Variants in POC1B observed in about 807,000 individuals in gnomAD.
POC1B encodes POC1 centriolar protein homolog B.
POC1B carries 44 observed loss-of-function variants against 60.6 expected under a neutral mutation model. The ratio of observed to expected loss-of-function variants is 0.73; its 90% CI spans 0.57 to 0.93. POC1B has a LOEUF of 0.93. POC1B is among the 40% of genes least tolerant of loss of function. The pLI is 0.00. For synonymous variants in POC1B, 180 were observed against 198.9 expected (o/e 0.90, Z 0.80); for missense variants, 555 against 572.3 (o/e 0.97, Z 0.31).
intron 10 of POC1B, among the ~76,000 whole-genome samples, chr12:89,457,524 C>T (rs549629174): frequency 1.8e-3 from 279 of 152,286 alleles, no homozygotes; most frequent in Middle Eastern, 6.8e-3. Context: ...GCAGCTATGT[C>T]CCAGATTACA....
chr12:89,477,763 C>T lies in POC1B; in HGVS notation c.453-5488G>A, dbSNP rs117624159. Among the ~76,000 whole-genome samples the T allele has an allele frequency of 3.7e-3, 557 of 152,242 alleles. 1 individual carries two copies. Among genetic ancestry groups the T allele is most frequent in the Non-Finnish European group, 6.4e-3 (438 of 68,030 alleles). ...AACTGGGTCATCTTTCTGCTTAAAA[C>T]CTTCGGTGGTTTCACGTTTCCTTTG... On this transcript the variant is annotated intron_variant, in intron 4 of 11. Coordinates refer to ENST00000313546, the MANE Select transcript of POC1B (RefSeq NM_172240.3).
At chr12:89,413,852 C>T in the POC1B span, among the ~76,000 whole-genome samples, 2 of 151,820 alleles carry the variant, frequency 1.3e-5, no homozygotes, top group Non-Finnish European at 2.9e-5. Context: ...TTTTGTGTTG[C>T]ATTTCTGCCA....
chr12:89,414,917 A>G (rs1880340196), downstream of POC1B, among the ~76,000 whole-genome samples: 1 of 152,236 alleles, frequency 6.6e-6, no homozygotes, highest in South Asian at 2.1e-4. Context: ...TCTTGTCTTT[A>G]GAGAAAAGGC....
At chr12:89,504,529 T>A (rs1869799384) in intron 2 of POC1B, among the ~76,000 whole-genome samples, 1 of 151,956 alleles carries the variant, frequency 6.6e-6, no homozygotes, top group South Asian at 2.1e-4. Flanking sequence ...GTTTATCTGC[T>A]GACCTTCCCT....
At chr12:89,408,135 C>A in the POC1B span, among the ~76,000 whole-genome samples, 50 of 152,318 alleles carry the variant, frequency 3.3e-4, no homozygotes, top group African/African-American at 1.1e-3. Context: ...AAGACATGAA[C>A]TCATCCTTTT....
chr12:89,524,557 C>T (rs768890808), intron 2 of POC1B: 1 of 1,610,958 alleles, frequency 6.2e-7, no homozygotes, highest in Non-Finnish European at 8.5e-7. Context: ...CATCCGGATT[C>T]TCAGGGCTGA....
intron 3 of POC1B, among the ~76,000 whole-genome samples, chr12:89,493,419 C>T (rs529306049): frequency 2.6e-5 from 4 of 152,266 alleles, no homozygotes; most frequent in South Asian, 4.1e-4. Flanking sequence ...AATAAAGGCT[C>T]GTAGATCCAA....
intron 7 of POC1B, among the ~76,000 whole-genome samples, chr12:89,469,192 A>G (rs539656882): frequency 6.6e-6 from 1 of 152,264 alleles, no homozygotes; most frequent in African/African-American, 2.4e-5. Context: ...CCCAGGAGGC[A>G]GAGGTTACAG....
In POC1B at chr12:89,472,175, A is replaced by G. The variant is rs986798731; in HGVS notation, c.553T>C (p.Ser185Pro). 8 of 1,577,770 alleles carry G rather than the reference A, an allele frequency of 5.1e-6. No individual in the cohort carries two copies. The Middle Eastern group carries it at 1.0e-3, about 197-fold the overall frequency. ...CAAAGAAAGTGTACTTACCCAACGG[A>G]ATCTGAGAAGTTATTAACACATTGC... ...NKQCVNNFSD[S>P]VGFANFVDFN... Residue 185 changes from serine to proline, a missense_variant, in exon 5 of 12, where the codon TCC becomes CCC. Ser to Pro is a moderately conservative substitution (Grantham distance 74). Coordinates refer to ENST00000313546, the MANE Select transcript of POC1B (RefSeq NM_172240.3).
At chr12:89,510,969 G>A (rs1032521008) in intron 2 of POC1B, among the ~76,000 whole-genome samples, 2 of 151,498 alleles carry the variant, frequency 1.3e-5, no homozygotes, top group Admixed American at 1.3e-4. Context: ...TGGCCAGGCT[G>A]GTCTCACACT....
chr12:89,459,754 C>A, intron 9 of POC1B, 36 bp from the exon 10 acceptor site: 1 of 1,229,350 alleles, frequency 8.1e-7, no homozygotes, highest in Non-Finnish European at 1.1e-6. Flanking sequence ...ATGAGATTTT[C>A]ATACCATAAG....
At chr12:89,460,102 T>A (rs773188065) in intron 9 of POC1B, 1 of 318,296 alleles carries the variant, frequency 3.1e-6, no homozygotes, top group Admixed American at 4.2e-5. Context: ...AGAAATAATA[T>A]TCTCATTCAT....
chr12:89,520,398 A>G (rs1870749672), intron 2 of POC1B: 1 of 152,102 alleles, frequency 6.6e-6, no homozygotes, highest in Non-Finnish European at 1.5e-5. Context: ...AAATAAAAAG[A>G]GAAAATTTAA....
chr12:89,484,143 T>A (rs1396260033), intron 4 of POC1B, among the ~76,000 whole-genome samples: 1 of 151,678 alleles, frequency 6.6e-6, no homozygotes, highest in East Asian at 1.9e-4. Flanking sequence ...AGACAAAGAG[T>A]AAAGCTAAGA....
chr12:89,466,769 C>A lies in POC1B; in HGVS notation c.1032+1G>T. ...AGGACAAATATGAACAAAATACTCA[C>A]TTCTACAGTCTCAACTTTTTCCTCA... On this transcript the variant is annotated splice_donor_variant, in intron 9 of 11. Coordinates refer to ENST00000313546, the MANE Select transcript of POC1B (RefSeq NM_172240.3). LOFTEE classifies it high-confidence loss of function. 1 of 1,610,688 alleles carries A rather than the reference C, an allele frequency of 6.2e-7. No homozygotes were observed. Among genetic ancestry groups the A allele is most frequent in the Non-Finnish European group, 8.5e-7 (1 of 1,178,018 alleles).
At chr12:89,485,282 G>A (rs1272988643) in intron 4 of POC1B, 1 of 152,150 alleles carries the variant, frequency 6.6e-6, no homozygotes, top group Non-Finnish European at 1.5e-5. Flanking sequence ...TGGGAGGCTG[G>A]GCCTTGGTGG....
chr12:89,501,478 G>A (rs1869563580), intron 2 of POC1B: 6 of 1,017,338 alleles, frequency 5.9e-6, no homozygotes, highest in Non-Finnish European at 9.0e-6. Flanking sequence ...AAGAAATTCA[G>A]ACAGAAATAT....
chr12:89,486,402 G>T (rs187200525), intron 4 of POC1B, among the ~76,000 whole-genome samples: 1 of 152,206 alleles, frequency 6.6e-6, no homozygotes, highest in Non-Finnish European at 1.5e-5. Flanking sequence ...AGCAGGGGGC[G>T]TCCCAGCATG....
At chr12:89,475,801 A>T (rs2135722445) in intron 4 of POC1B, among the ~76,000 whole-genome samples, 1 of 152,172 alleles carries the variant, frequency 6.6e-6, no homozygotes, top group East Asian at 1.9e-4. Context: ...TGACTACTGG[A>T]TCAGCAAACA....
Sources: allele counts gnomAD v4.1 joint callset (sites outside exome capture counted in the v4.1 genomes callset), GRCh38; gene constraint gnomAD v4.1.1; transcripts MANE v1.5; gene names NCBI Gene and HGNC (gene_info 2026-07-23, HGNC 2026-07-21).